NRXN1: variants seen among roughly 807,000 people sequenced by gnomAD.
NRXN1 encodes the protein neurexin-1.
A neutral mutation model predicts 150.9 loss-of-function variants in NRXN1; 39 were observed. That is an observed-to-expected ratio of 0.26 (90% CI 0.20 to 0.34). The LOEUF (loss-of-function observed/expected upper bound fraction) is 0.34, where lower values mean the gene tolerates loss of function less well. Among genes scored for constraint, NRXN1 ranks in the 10% least tolerant of loss-of-function variants. The pLI, the probability that NRXN1 is intolerant of heterozygous loss-of-function variation, is 1.00. For missense variants in NRXN1, 1,815 were observed against 1,949.9 expected (o/e 0.93, Z 1.30); for synonymous variants, 924 against 757.0 (o/e 1.22, Z -3.62).
At chr2:50,900,587 C>G (rs1443364922) in intron 5 of NRXN1, among the ~76,000 whole-genome samples, 1 of 152,092 alleles carries the variant, frequency 6.6e-6, no homozygotes, top group African/African-American at 2.4e-5. Flanking sequence ...CTCAAGATAG[C>G]ATGAACAGAC....
chr2:50,652,647 T>C (rs1185593171), intron 5 of NRXN1, among the ~76,000 whole-genome samples: 1 of 152,104 alleles, frequency 6.6e-6, no homozygotes, highest in Non-Finnish European at 1.5e-5. Context: ...GCTGCTGCTA[T>C]GCTGTGAACA....
chr2:50,449,352 T>C (rs914221012), intron 17 of NRXN1, among the ~76,000 whole-genome samples: 5 of 152,350 alleles, frequency 3.3e-5, no homozygotes, highest in Non-Finnish European at 7.3e-5. Context: ...ACGACATTAT[T>C]TCTTTCTGAA....
At chr2:50,398,438 A>G (rs2082182497) in intron 17 of NRXN1, among the ~76,000 whole-genome samples, 1 of 152,174 alleles carries the variant, frequency 6.6e-6, no homozygotes, top group African/African-American at 2.4e-5. Context: ...AATAAAAGAA[A>G]AGAAAACTGA....
chr2:50,719,357 A>G (rs1483636996), intron 5 of NRXN1, among the ~76,000 whole-genome samples: 3 of 152,102 alleles, frequency 2.0e-5, no homozygotes, highest in Non-Finnish European at 4.4e-5. Flanking sequence ...TCTATTTCAA[A>G]ATAAATATCT....
At chr2:50,933,075 A>G (rs1435860131) in intron 2 of NRXN1, among the ~76,000 whole-genome samples, 1 of 152,106 alleles carries the variant, frequency 6.6e-6, no homozygotes, top group Non-Finnish European at 1.5e-5. Context: ...CGCATTTAGA[A>G]AATATTTTGT....
At chr2:50,750,376 C>G (rs13403360) in intron 5 of NRXN1, among the ~76,000 whole-genome samples, 2,531 of 151,580 alleles carry the variant, frequency 0.017, 73 homozygotes, top group African/African-American at 0.057. Flanking sequence ...GAAAACCTGA[C>G]TACAATTTTC....
chr2:50,814,375 C>T (rs1362167100), intron 5 of NRXN1, among the ~76,000 whole-genome samples: 1 of 152,110 alleles, frequency 6.6e-6, no homozygotes, highest in Non-Finnish European at 1.5e-5. Flanking sequence ...GTCCTTCACC[C>T]CTTACCCCTT....
At chr2:50,250,814 G>A (rs999112128) in intron 17 of NRXN1, among the ~76,000 whole-genome samples, 14 of 151,128 alleles carry the variant, frequency 9.3e-5, no homozygotes, top group Admixed American at 2.0e-4. Flanking sequence ...TTTAAGTACC[G>A]GGATACATGT....
chr2:50,157,791 T>C (rs948291812), intron 18 of NRXN1, among the ~76,000 whole-genome samples: 3 of 151,966 alleles, frequency 2.0e-5, no homozygotes, highest in Non-Finnish European at 2.9e-5. Flanking sequence ...AAAGTGGCAC[T>C]CTGGATTTCC....
chr2:50,913,929 A>G (rs1280115445), intron 5 of NRXN1, among the ~76,000 whole-genome samples: 1 of 151,790 alleles, frequency 6.6e-6, no homozygotes, highest in Non-Finnish European at 1.5e-5. Flanking sequence ...CCTTTACACC[A>G]CATGTAACAG....
chr2:50,250,680 T>A (rs943776122), intron 17 of NRXN1, among the ~76,000 whole-genome samples: 2 of 152,008 alleles, frequency 1.3e-5, no homozygotes, highest in African/African-American at 4.8e-5. Flanking sequence ...AAAAATGTAA[T>A]ATTAATGTCA....
intron 5 of NRXN1, among the ~76,000 whole-genome samples, chr2:50,904,940 C>A (rs1459451335): frequency 6.6e-6 from 1 of 152,046 alleles, no homozygotes; most frequent in Admixed American, 6.6e-5. Context: ...CAGTTCTTTC[C>A]TTTCACTTCT....
intron 17 of NRXN1, among the ~76,000 whole-genome samples, chr2:50,271,273 A>G (rs746484690): frequency 2.2e-4 from 33 of 152,286 alleles, no homozygotes; most frequent in Non-Finnish European, 7.4e-5. Flanking sequence ...TCATGATTTA[A>G]AGAGGACAGA....
At chr2:50,462,738 T>G (rs2088365491) in intron 17 of NRXN1, among the ~76,000 whole-genome samples, 1 of 151,874 alleles carries the variant, frequency 6.6e-6, no homozygotes, top group African/African-American at 2.4e-5. Flanking sequence ...TTTGAAAGAT[T>G]CCTTTCAGTT....
intron 17 of NRXN1, among the ~76,000 whole-genome samples, chr2:50,352,776 T>TAAAATA (rs1478736717): frequency 1.2e-5 from 1 of 84,028 alleles, no homozygotes; most frequent in Admixed American, 1.6e-4. Context: ...ATAATAATAA[T>TAAAATA]ATTATAATAA....
intron 5 of NRXN1, among the ~76,000 whole-genome samples, chr2:50,749,319 A>AG (rs1700334758): frequency 6.6e-6 from 1 of 152,098 alleles, no homozygotes; most frequent in Admixed American, 6.6e-5. Flanking sequence ...GAATTGGACT[A>AG]GTTGGTTTCT....
At chr2:50,500,828 T>C (rs1041278933) in intron 13 of NRXN1, among the ~76,000 whole-genome samples, 2 of 152,206 alleles carry the variant, frequency 1.3e-5, no homozygotes, top group African/African-American at 4.8e-5. Context: ...ACATTTCTCA[T>C]GTCGAGCAAA....
chr2:50,981,960 G>C (rs1239831725), intron 2 of NRXN1, among the ~76,000 whole-genome samples: 3 of 151,906 alleles, frequency 2.0e-5, no homozygotes, highest in Non-Finnish European at 4.4e-5. Context: ...GAGACAGAGA[G>C]AGAGATAGAG....
At chr2:50,840,319 G>C (rs903535655) in intron 5 of NRXN1, among the ~76,000 whole-genome samples, 1 of 152,136 alleles carries the variant, frequency 6.6e-6, no homozygotes, top group Non-Finnish European at 1.5e-5. Flanking sequence ...GATGCTGGGA[G>C]AGTCTTTTAA....
Sources: allele counts gnomAD v4.1 joint callset (sites outside exome capture counted in the v4.1 genomes callset), GRCh38; gene constraint gnomAD v4.1.1; transcripts MANE v1.5; gene names NCBI Gene and HGNC (gene_info 2026-07-23, HGNC 2026-07-21).